Variants in DLGAP2 observed in about 807,000 individuals in gnomAD.
The protein encoded by DLGAP2 is disks large-associated protein 2.
Under a neutral mutation model 100.3 loss-of-function variants are expected in DLGAP2, and 26 were observed. That is an observed-to-expected ratio of 0.26 (90% CI 0.19 to 0.36). The LOEUF is 0.36. DLGAP2 is among the 10% of genes least tolerant of loss of function. DLGAP2 has a pLI of 1.00. For synonymous variants in DLGAP2, 886 were observed against 630.1 expected (o/e 1.41, Z -6.08); for missense variants, 1,858 against 1,453.2 (o/e 1.28, Z -4.53).
intron 5 of DLGAP2, among the ~76,000 whole-genome samples, chr8:1,559,836 C>T (rs2956900): frequency 0.37 from 56,386 of 152,088 alleles, 11,238 homozygotes; most frequent in Middle Eastern, 0.54. Flanking sequence ...GTGGCCGGGC[C>T]TCCTTCTGCC....
intron 8 of DLGAP2, among the ~76,000 whole-genome samples, chr8:1,638,994 G>A (rs114203587): frequency 2.6e-5 from 4 of 152,172 alleles, no homozygotes; most frequent in Non-Finnish European, 4.4e-5. Flanking sequence ...CCGGGGAGCC[G>A]GGATGGATTG....
rs374950669 is a variant in DLGAP2, at chr8:1,341,413, C to G, written c.106+82530C>G. Among the ~76,000 whole-genome samples, 250 of 152,214 alleles carry G rather than the reference C, an allele frequency of 1.6e-3. 3 individuals are homozygous for G. Among genetic ancestry groups the G allele is most frequent in the South Asian group, 0.012 (58 of 4,814 alleles). On this transcript the variant is annotated intron_variant, in intron 3 of 14. Transcript: ENST00000637795. Reference sequence around the variant, plus strand: ...ATCTTACCCAGAAATTATTCATAGCCAAATTGTTATTGAACGTTAGCTTCA... The same window carrying G: ...ATCTTACCCAGAAATTATTCATAGCGAAATTGTTATTGAACGTTAGCTTCA...
chr8:1,054,188 A>G (rs1802805056), intron 2 of DLGAP2, among the ~76,000 whole-genome samples: 1 of 150,748 alleles, frequency 6.6e-6, no homozygotes, highest in South Asian at 2.1e-4. Context: ...GCACACATGT[A>G]CACGCACGCA....
intron 1 of DLGAP2, among the ~76,000 whole-genome samples, chr8:882,777 C>T (rs1015383990): frequency 6.6e-6 from 1 of 152,340 alleles, no homozygotes; most frequent in South Asian, 2.1e-4. Flanking sequence ...GAGGCCTCTC[C>T]TGCGGGCAGC....
chr8:1,479,889 G>T (rs1048359851), intron 3 of DLGAP2, among the ~76,000 whole-genome samples: 1 of 152,132 alleles, frequency 6.6e-6, no homozygotes, highest in Non-Finnish European at 1.5e-5. Flanking sequence ...TATTTACCCC[G>T]GTGGGATTCA....
intron 2 of DLGAP2, among the ~76,000 whole-genome samples, chr8:1,201,511 CAGCCCAGGGAGTCCGTTT>C (rs1420160123): frequency 6.6e-6 from 1 of 152,238 alleles, no homozygotes; most frequent in Non-Finnish European, 1.5e-5. Context: ...CAGTGTGCTT[CAGCCCAGGGAGTCCGTTT>C]TGGACATCGC....
chr8:1,475,843 G>A (rs964626056), intron 3 of DLGAP2, among the ~76,000 whole-genome samples: 4 of 152,158 alleles, frequency 2.6e-5, no homozygotes, highest in Non-Finnish European at 4.4e-5. Context: ...AAATGGAAAG[G>A]TTCAATTTTC....
chr8:1,257,951 G>C (rs1312517005), intron 2 of DLGAP2, among the ~76,000 whole-genome samples: 1 of 152,206 alleles, frequency 6.6e-6, no homozygotes, highest in Non-Finnish European at 1.5e-5. Flanking sequence ...GGCCTACCCG[G>C]CCCCCAAGTC....
intron 3 of DLGAP2, among the ~76,000 whole-genome samples, chr8:1,415,853 A>T (rs185734759): frequency 5.3e-4 from 81 of 152,248 alleles, no homozygotes; most frequent in Non-Finnish European, 8.4e-4. Flanking sequence ...GGGATTGCTG[A>T]TTTAAGTTCT....
chr8:1,020,651 C>T (rs1801600341), intron 2 of DLGAP2, among the ~76,000 whole-genome samples: 1 of 152,206 alleles, frequency 6.6e-6, no homozygotes, highest in Non-Finnish European at 1.5e-5. Flanking sequence ...GACCTGTGAG[C>T]ACCCTGATCT....
At chr8:1,459,910 T>G (rs1428402155) in intron 3 of DLGAP2, among the ~76,000 whole-genome samples, 1 of 152,118 alleles carries the variant, frequency 6.6e-6, no homozygotes, top group East Asian at 1.9e-4. Context: ...GGTCTCAAAC[T>G]CCTGATCTCA....
At chr8:1,328,837 C>G (rs147564081) in intron 3 of DLGAP2, among the ~76,000 whole-genome samples, 1 of 152,268 alleles carries the variant, frequency 6.6e-6, no homozygotes, top group African/African-American at 2.4e-5. Flanking sequence ...TGAGAAAGGC[C>G]GAACACAGAT....
chr8:1,442,414 G>A (rs902373213), intron 3 of DLGAP2, among the ~76,000 whole-genome samples: 9 of 150,144 alleles, frequency 6.0e-5, no homozygotes, highest in Non-Finnish European at 8.9e-5. Flanking sequence ...AGACCCGCCA[G>A]GCTGCTGTGG....
chr8:1,369,313 C>T (rs746394972), intron 3 of DLGAP2: 5 of 152,230 alleles, frequency 3.3e-5, no homozygotes, highest in African/African-American at 1.2e-4. Context: ...AAGGCCTCCC[C>T]TTGGCTGGCA....
intron 1 of DLGAP2, among the ~76,000 whole-genome samples, chr8:816,773 A>G (rs898564504): frequency 6.6e-5 from 10 of 152,194 alleles, no homozygotes; most frequent in African/African-American, 1.4e-4. Flanking sequence ...GATCTCTAGT[A>G]AAAACAGGAA....
At chr8:1,245,155 A>C (rs1285214096) in intron 2 of DLGAP2, among the ~76,000 whole-genome samples, 1 of 152,224 alleles carries the variant, frequency 6.6e-6, no homozygotes, top group African/African-American at 2.4e-5. Context: ...GGAATAGAAA[A>C]TCATGCAGCC....
intron 6 of DLGAP2, among the ~76,000 whole-genome samples, chr8:1,607,233 CT>C (rs964463887): frequency 4.6e-5 from 7 of 152,074 alleles, no homozygotes; most frequent in Non-Finnish European, 1.0e-4. Context: ...TAAAATCTGA[CT>C]TATATTCTTT....
chr8:1,056,174 C>T (rs912901076), intron 2 of DLGAP2, among the ~76,000 whole-genome samples: 2 of 152,188 alleles, frequency 1.3e-5, no homozygotes, highest in African/African-American at 2.4e-5. Context: ...AAAAAATACC[C>T]GTTTGTTCCT....
chr8:987,996 C>G (rs1432149699), intron 2 of DLGAP2, among the ~76,000 whole-genome samples: 1 of 152,134 alleles, frequency 6.6e-6, no homozygotes, highest in Non-Finnish European at 1.5e-5. Context: ...GTCTGGTTCT[C>G]GATGTAGCTT....
Sources: gnomAD v4.1 joint callset for allele counts (sites outside exome capture counted in the v4.1 genomes callset) on GRCh38, gnomAD v4.1.1 for gene constraint, MANE v1.5 for transcripts, NCBI Gene and HGNC (gene_info 2026-07-23, HGNC 2026-07-21) for gene names.